The following LZTFL1 variants were observed in gnomAD, a reference collection of about 807,000 sequenced individuals.
The protein encoded by LZTFL1 is leucine zipper transcription factor like 1, also known as leucine zipper transcription factor-like protein 1.
LZTFL1 carries 25 observed loss-of-function variants against 45.9 expected under a neutral mutation model. That is an observed-to-expected ratio of 0.54 (90% CI 0.40 to 0.76). The LOEUF is 0.76. Ranked by LOEUF, LZTFL1 falls within the 30% of genes least tolerant of loss-of-function variation. LZTFL1 has a pLI of 0.00. For missense variants in LZTFL1, 277 were observed against 331.1 expected (o/e 0.84, Z 1.27); for synonymous variants, 93 against 117.4 (o/e 0.79, Z 1.35).
At chr3:45,841,837 G>C (rs1701124923) in intron 1 of LZTFL1, 152 bp downstream of exon 1, 1 of 1,018,308 alleles carries the variant, frequency 9.8e-7, no homozygotes, top group Non-Finnish European at 1.4e-6. Flanking sequence ...CGAATCTCTC[G>C]CGCCCGGCGC....
At position 45,871,764 on chromosome 3, in the gene LZTFL1, G is replaced by T. The variant is rs187367139; in HGVS notation, c.-214-12748C>A. Among the ~76,000 whole-genome samples the T allele has an allele frequency of 6.6e-5, 10 of 152,174 alleles. No homozygotes were observed. The East Asian group carries it at 1.9e-3, about 29-fold the overall frequency. On this transcript the variant is annotated intron_variant, in intron 2 of 4. Transcript: ENST00000472635. Reference sequence around the variant, plus strand: ...AAAGATTGCAAAGGCAAAGATGAAAGACAAAGAAAAGAAAGGCAGTTCTAC... The same window carrying T: ...AAAGATTGCAAAGGCAAAGATGAAATACAAAGAAAAGAAAGGCAGTTCTAC...
intron 2 of LZTFL1, among the ~76,000 whole-genome samples, chr3:45,881,646 G>A (rs767395690): frequency 3.9e-5 from 6 of 152,122 alleles, no homozygotes; most frequent in African/African-American, 7.2e-5. Flanking sequence ...TGCGACACAC[G>A]AAGAATGTGT....
intron 2 of LZTFL1, among the ~76,000 whole-genome samples, chr3:45,878,177 G>A (rs1010209941): frequency 1.3e-5 from 2 of 152,166 alleles, no homozygotes; most frequent in East Asian, 1.9e-4. Context: ...TTCTTGTGGT[G>A]AGAATGTTTA....
upstream of LZTFL1, chr3:45,842,303 G>C (rs1357166224): frequency 1.4e-6 from 1 of 723,116 alleles, no homozygotes. Flanking sequence ...GCAGAAGGTA[G>C]CGGGAGGGTT....
chr3:45,849,210 G>A (rs143412882), intron 4 of LZTFL1, among the ~76,000 whole-genome samples: 2 of 152,216 alleles, frequency 1.3e-5, no homozygotes, highest in African/African-American at 2.4e-5. Context: ...GCTCAATTTA[G>A]GGTTTCAGGG....
At chr3:45,915,412 C>A in intron 1 of LZTFL1, 1 of 428,532 alleles carries the variant, frequency 2.3e-6, no homozygotes, top group Non-Finnish European at 4.7e-6. Context: ...CAGCACCTGC[C>A]CCACTGACCT....
intron 2 of LZTFL1, chr3:45,883,904 C>T (rs1422477686): frequency 4.0e-6 from 2 of 504,232 alleles, no homozygotes; most frequent in Non-Finnish European, 3.7e-6. Context: ...ACTGACAATC[C>T]TCTCACTAGT....
rs1700631313 is a variant in LZTFL1 at position 45,825,111 on chromosome 3, C to A, written c.*1203G>T. ...AATAAAAATAACAACAAGCCCTATG[C>A]TCCAATCAGTAAACTCGTTTCTTGG... is the stretch of plus-strand genomic sequence containing the variant. On this transcript the variant is annotated 3_prime_UTR_variant, in exon 10 of 10. Transcript: ENST00000296135. 2.6e-6 allele frequency: 1 copy of A among 383,568 alleles called. No individual in the cohort carries two copies. The highest frequency in any genetic ancestry group is 2.1e-5 in the African/African-American group (1 of 48,450). The allele number at this position is 383,568 out of a possible 1,614,324, so 23.8% of individuals were successfully genotyped here.
intron 2 of LZTFL1, among the ~76,000 whole-genome samples, chr3:45,890,279 T>TATTTATATATATATAAC (rs1559421394): frequency 1.6e-4 from 12 of 75,778 alleles, no homozygotes; most frequent in African/African-American, 3.6e-4. Flanking sequence ...AACATATATA[T>TATTTATATATATATAAC]ATATTTATAT....
At chr3:45,842,432 A>G (rs1343352120), upstream of LZTFL1, among the ~76,000 whole-genome samples, 1 of 152,088 alleles carries the variant, frequency 6.6e-6, no homozygotes. Flanking sequence ...CCAAGGATGA[A>G]TGGACATCCC....
chr3:45,910,605 G>A (rs180672579), intron 2 of LZTFL1, among the ~76,000 whole-genome samples: 167 of 152,300 alleles, frequency 1.1e-3, no homozygotes, highest in Admixed American at 6.5e-3. Context: ...TGAGGATGTG[G>A]AAAGAGGATG....
chr3:45,868,131 C>A (rs1055507098), intron 2 of LZTFL1, among the ~76,000 whole-genome samples: 4 of 147,964 alleles, frequency 2.7e-5, no homozygotes, highest in African/African-American at 9.8e-5. Flanking sequence ...ATGTAACAAA[C>A]CTGCACGTTG....
At chr3:45,894,522 G>C (rs1354122367) in intron 2 of LZTFL1, among the ~76,000 whole-genome samples, 1 of 152,224 alleles carries the variant, frequency 6.6e-6, no homozygotes, top group Non-Finnish European at 1.5e-5. Flanking sequence ...AACAGGACTT[G>C]ACAGACAAGC....
At chr3:45,849,706 T>A (rs1224539605) in intron 4 of LZTFL1, among the ~76,000 whole-genome samples, 1 of 152,186 alleles carries the variant, frequency 6.6e-6, no homozygotes, top group Admixed American at 6.5e-5. Flanking sequence ...CATTAAATCA[T>A]CCACAAAAAA....
chr3:45,851,923 C>T (rs1701316506), intron 4 of LZTFL1, among the ~76,000 whole-genome samples: 1 of 151,822 alleles, frequency 6.6e-6, no homozygotes, highest in African/African-American at 2.4e-5. Flanking sequence ...GACATTTTTT[C>T]CCCAATTTTC....
chr3:45,868,858 G>A (rs1486629324), intron 2 of LZTFL1, among the ~76,000 whole-genome samples: 1 of 152,132 alleles, frequency 6.6e-6, no homozygotes, highest in African/African-American at 2.4e-5. Context: ...CCCAAACGTG[G>A]ATATAAGACT....
chr3:45,838,389 G>A (rs1368386955), intron 1 of LZTFL1, among the ~76,000 whole-genome samples: 1 of 152,196 alleles, frequency 6.6e-6, no homozygotes, highest in Non-Finnish European at 1.5e-5. Context: ...CAATGCCCTA[G>A]AGGCTGGGGG....
intron 1 of LZTFL1, chr3:45,913,253 T>C (rs1022561320): frequency 5.5e-6 from 6 of 1,092,832 alleles, no homozygotes; most frequent in Non-Finnish European, 8.0e-6. Context: ...TGCAATGAGC[T>C]GATCTTTCTC....
intron 2 of LZTFL1, chr3:45,895,066 G>T: frequency 1.7e-6 from 2 of 1,172,102 alleles, no homozygotes; most frequent in South Asian, 1.2e-5. Flanking sequence ...TGGTTTCCCA[G>T]GGTAAGATCT....
Sources: gnomAD v4.1 joint callset for allele counts (sites outside exome capture counted in the v4.1 genomes callset) on GRCh38, gnomAD v4.1.1 for gene constraint, MANE v1.5 for transcripts, NCBI Gene and HGNC (gene_info 2026-07-23, HGNC 2026-07-21) for gene names.